RBFOX1: variants seen among roughly 807,000 people sequenced by gnomAD.
RBFOX1 encodes the protein RNA binding protein fox-1 homolog 1.
A neutral mutation model predicts 57.7 loss-of-function variants in RBFOX1; 8 were observed. That is an observed-to-expected ratio of 0.14 (90% CI 0.08 to 0.25). The LOEUF (loss-of-function observed/expected upper bound fraction) is 0.25, where lower values mean the gene tolerates loss of function less well. RBFOX1 is among the 10% of genes least tolerant of loss of function. The probability of loss-of-function intolerance (pLI) is 1.00; values close to 1 mark genes in which losing one functional copy is unlikely to be tolerated. For missense variants in RBFOX1, 611 were observed against 548.5 expected, an observed-to-expected ratio of 1.11 and a Z score of -1.14; for synonymous variants, 326 against 222.4, an observed-to-expected ratio of 1.47 and a Z score of -4.15.
intron 1 of RBFOX1, among the ~76,000 whole-genome samples, chr16:6,051,737 T>C (rs561782919): frequency 3.1e-4 from 47 of 152,324 alleles, no homozygotes; most frequent in African/African-American, 1.1e-3. Context: ...CTAATTTTTG[T>C]ACTTTTAGTA....
chr16:6,366,495 A>G (rs1483278462), intron 2 of RBFOX1, among the ~76,000 whole-genome samples: 3 of 152,208 alleles, frequency 2.0e-5, no homozygotes, highest in African/African-American at 7.2e-5. Context: ...AGGAGGTAAG[A>G]ATGGATTCGT....
intron 3 of RBFOX1, among the ~76,000 whole-genome samples, chr16:6,890,322 C>A (rs545414588): frequency 1.7e-4 from 26 of 152,192 alleles, no homozygotes; most frequent in African/African-American, 6.3e-4. Context: ...AGTTCAAGAC[C>A]AGCCTGGCCT....
intron 3 of RBFOX1, among the ~76,000 whole-genome samples, chr16:6,850,465 C>G (rs1438655129): frequency 6.6e-6 from 1 of 151,952 alleles, no homozygotes; most frequent in Admixed American, 6.6e-5. Flanking sequence ...GAGTTGAGAG[C>G]TTATCAGGAG....
At chr16:6,026,104 T>C (rs1459165728) in intron 1 of RBFOX1, among the ~76,000 whole-genome samples, 1 of 152,198 alleles carries the variant, frequency 6.6e-6, no homozygotes, top group African/African-American at 2.4e-5. Context: ...AGAGAAACTG[T>C]CCCTGTTTGC....
chr16:6,126,060 G>T lies in RBFOX1; in HGVS notation c.-127+106068G>T, dbSNP rs1349549. On this transcript the variant is annotated intron_variant, in intron 1 of 15. Transcript: ENST00000550418. ...CCTTTTCCTATGACAAATGAGAAAA[G>T]AATTCTGTGATTCATTGAACAGTCA... Among the ~76,000 whole-genome samples, 1,376 of 152,232 alleles carry T rather than the reference G, an allele frequency of 9.0e-3. 14 individuals carry two copies. Among genetic ancestry groups the T allele is most frequent in the Non-Finnish European group, 0.016 (1,064 of 68,016 alleles).
intron 4 of RBFOX1, among the ~76,000 whole-genome samples, chr16:5,875,250 A>G (rs2057575389): frequency 6.6e-6 from 1 of 152,178 alleles, no homozygotes; most frequent in South Asian, 2.1e-4. Flanking sequence ...AGACAAAAAA[A>G]CTGAGATGTG....
chr16:6,062,137 C>T (rs982643913), intron 1 of RBFOX1, among the ~76,000 whole-genome samples: 4 of 152,162 alleles, frequency 2.6e-5, no homozygotes, highest in African/African-American at 4.8e-5. Flanking sequence ...GATAGGCGTG[C>T]AGAGCTTCCT....
chr16:6,134,758 A>G (rs1174174170), intron 1 of RBFOX1, among the ~76,000 whole-genome samples: 5 of 151,232 alleles, frequency 3.3e-5, no homozygotes, highest in East Asian at 1.9e-4. Context: ...GCTCACTGCA[A>G]TCTCCGCCTC....
intron 1 of RBFOX1, among the ~76,000 whole-genome samples, chr16:5,339,844 C>A (rs1378363262): frequency 1.3e-5 from 2 of 152,010 alleles, no homozygotes; most frequent in Non-Finnish European, 2.9e-5. Flanking sequence ...GGAGAGCTTT[C>A]CCAGCCCGGG....
At chr16:7,295,587 A>G (rs988998296) in intron 4 of RBFOX1, among the ~76,000 whole-genome samples, 3 of 152,124 alleles carry the variant, frequency 2.0e-5, no homozygotes, top group Non-Finnish European at 4.4e-5. Flanking sequence ...TAGACATATA[A>G]TAGCAGCTGC....
rs113404760 is a variant in RBFOX1 at position 6,680,168 on chromosome 16, A to G, written c.-16+25518A>G. 2.9e-3 allele frequency among the ~76,000 whole-genome samples: 441 copies of G among 152,022 alleles called. 1 individual carries two copies. Among genetic ancestry groups the G allele is most frequent in the African/African-American group, 1.0e-2 (413 of 41,488 alleles). On this transcript the variant is annotated intron_variant, in intron 3 of 15. Coordinates refer to ENST00000550418, the MANE Select transcript of RBFOX1 (RefSeq NM_018723.4). ...GGGTTGTGTTTGGGAATGAGAAGAGATAGAATAGCAATTTCGTATGGAGCT... is the reference window on the plus strand; with the variant it reads ...GGGTTGTGTTTGGGAATGAGAAGAGGTAGAATAGCAATTTCGTATGGAGCT...
At chr16:5,793,101 C>T (rs2054756172) in intron 3 of RBFOX1, among the ~76,000 whole-genome samples, 1 of 152,184 alleles carries the variant, frequency 6.6e-6, no homozygotes, top group Admixed American at 6.5e-5. Flanking sequence ...CAGGCTATGT[C>T]CAGGTGTCGG....
chr16:6,922,435 C>A (rs1156848809), intron 3 of RBFOX1, among the ~76,000 whole-genome samples: 1 of 152,192 alleles, frequency 6.6e-6, no homozygotes, highest in Non-Finnish European at 1.5e-5. Context: ...GTGAGCACTT[C>A]CAGGCTGTCT....
intron 4 of RBFOX1, among the ~76,000 whole-genome samples, chr16:7,116,494 C>T (rs2065930716): frequency 6.6e-6 from 1 of 152,132 alleles, no homozygotes; most frequent in Non-Finnish European, 1.5e-5. Flanking sequence ...CCTCACTTCA[C>T]AAGTAAATAA....
At chr16:6,483,996 C>G (rs569957162) in intron 2 of RBFOX1, 2 of 990,958 alleles carry the variant, frequency 2.0e-6, no homozygotes, top group African/African-American at 1.7e-5. Flanking sequence ...TGGGGGTGGT[C>G]TGGACACTTG....
intron 3 of RBFOX1, among the ~76,000 whole-genome samples, chr16:6,913,829 C>A (rs190978249): frequency 1.3e-5 from 2 of 152,314 alleles, no homozygotes; most frequent in African/African-American, 4.8e-5. Context: ...CTTCCCAGCC[C>A]TGCATGTGGC....
intron 2 of RBFOX1, among the ~76,000 whole-genome samples, chr16:6,405,388 T>C (rs1431048756): frequency 6.6e-6 from 1 of 152,170 alleles, no homozygotes; most frequent in Non-Finnish European, 1.5e-5. Context: ...ATGTCCAGTG[T>C]TGGGCATTGG....
chr16:6,078,074 C>A (rs1258644607), intron 1 of RBFOX1, among the ~76,000 whole-genome samples: 1 of 152,164 alleles, frequency 6.6e-6, no homozygotes, highest in Non-Finnish European at 1.5e-5. Context: ...TCATGCTCAT[C>A]TTTGTCTAAT....
At chr16:6,026,449 C>G (rs2095196380) in intron 1 of RBFOX1, among the ~76,000 whole-genome samples, 1 of 152,188 alleles carries the variant, frequency 6.6e-6, no homozygotes, top group Admixed American at 6.5e-5. Context: ...GAGGCACTTC[C>G]AAGATTTTGA....
Sources: gnomAD v4.1 joint callset for allele counts (sites outside exome capture counted in the v4.1 genomes callset) on GRCh38, gnomAD v4.1.1 for gene constraint, MANE v1.5 for transcripts, NCBI Gene and HGNC (gene_info 2026-07-23, HGNC 2026-07-21) for gene names.